Variants in NKAIN2 observed in about 807,000 individuals in gnomAD.
NKAIN2 encodes sodium/potassium transporting ATPase interacting 2.
Under a neutral mutation model 32.6 loss-of-function variants are expected in NKAIN2, and 14 were observed. The observed-to-expected ratio is 0.43, with a 90% CI of 0.28 to 0.67. NKAIN2 has a LOEUF of 0.67. Ranked by LOEUF, NKAIN2 falls within the 30% of genes least tolerant of loss-of-function variation. NKAIN2 has a pLI of 0.17. For missense variants in NKAIN2, 198 were observed against 258.3 expected, an observed-to-expected ratio of 0.77 and a Z score of 1.60; for synonymous variants, 80 against 87.2, an observed-to-expected ratio of 0.92 and a Z score of 0.46.
At chr6:124,569,696 T>C (rs1781054522) in intron 3 of NKAIN2, among the ~76,000 whole-genome samples, 1 of 152,200 alleles carries the variant, frequency 6.6e-6, no homozygotes, top group Non-Finnish European at 1.5e-5. Context: ...TCCCCAGCCA[T>C]GTAGAACTGT....
At chr6:124,504,186 CA>C (rs966029920) in intron 3 of NKAIN2, among the ~76,000 whole-genome samples, 2 of 152,092 alleles carry the variant, frequency 1.3e-5, no homozygotes, top group African/African-American at 2.4e-5. Flanking sequence ...CAGTCACTAC[CA>C]GTTTCTCCTA....
intron 1 of NKAIN2, among the ~76,000 whole-genome samples, chr6:123,913,888 C>G (rs1775348390): frequency 6.6e-6 from 1 of 151,948 alleles, no homozygotes; most frequent in Non-Finnish European, 1.5e-5. Flanking sequence ...TAATTCTTCC[C>G]ATCTTTTAAA....
At chr6:124,265,652 A>T (rs1005909572) in intron 1 of NKAIN2, among the ~76,000 whole-genome samples, 3 of 152,204 alleles carry the variant, frequency 2.0e-5, no homozygotes, top group Non-Finnish European at 4.4e-5. Context: ...TGCTTTACTG[A>T]CCAGGCTGCT....
intron 1 of NKAIN2, among the ~76,000 whole-genome samples, chr6:124,115,891 T>C (rs1435216093): frequency 3.9e-5 from 6 of 152,202 alleles, no homozygotes; most frequent in African/African-American, 9.6e-5. Flanking sequence ...CTCAACTTTT[T>C]GTTTTGAATA....
chr6:124,523,706 C>G (rs925081838), intron 3 of NKAIN2, among the ~76,000 whole-genome samples: 1 of 152,064 alleles, frequency 6.6e-6, no homozygotes, highest in Non-Finnish European at 1.5e-5. Flanking sequence ...CTTCATGAAG[C>G]CTGGCCAACT....
chr6:123,831,432 GTC>G (rs1774371593), intron 1 of NKAIN2, among the ~76,000 whole-genome samples: 1 of 144,944 alleles, frequency 6.9e-6, no homozygotes, highest in Non-Finnish European at 1.5e-5. Flanking sequence ...TTATCTAAGT[GTC>G]TATATACTTA....
At chr6:123,842,160 T>A (rs1234098852) in intron 1 of NKAIN2, among the ~76,000 whole-genome samples, 1 of 152,184 alleles carries the variant, frequency 6.6e-6, no homozygotes, top group African/African-American at 2.4e-5. Context: ...CTTGGAGACA[T>A]TATACACAAA....
At chr6:124,572,937 T>C (rs1583459140) in intron 3 of NKAIN2, among the ~76,000 whole-genome samples, 2 of 152,132 alleles carry the variant, frequency 1.3e-5, no homozygotes, top group East Asian at 3.9e-4. Context: ...CCTCCCCAGT[T>C]CAAGCAATTC....
intron 3 of NKAIN2, among the ~76,000 whole-genome samples, chr6:124,528,721 A>G (rs1236875287): frequency 6.6e-6 from 1 of 152,256 alleles, no homozygotes; most frequent in Non-Finnish European, 1.5e-5. Flanking sequence ...GTGAAACAAT[A>G]TATTTTAAAA....
At position 124,617,080 on chromosome 6, in the gene NKAIN2, A is replaced by G. The variant is rs1782934984; in HGVS notation, c.274-41106A>G. Among the ~76,000 whole-genome samples, 3 of 152,194 alleles carry G rather than the reference A, an allele frequency of 2.0e-5. No individual in the cohort carries two copies. The South Asian group carries it at 6.2e-4, about 31-fold the overall frequency. ...GACCAGCTTTATAAACTTAGGCAAG[A>G]TGTTTATCTGAATATTAGTTTTATT... On this transcript the variant is annotated intron_variant, in intron 3 of 6. Coordinates refer to ENST00000368417, the MANE Select transcript of NKAIN2 (RefSeq NM_001040214.3).
At chr6:124,350,957 C>G (rs1398843249) in intron 2 of NKAIN2, among the ~76,000 whole-genome samples, 3 of 151,908 alleles carry the variant, frequency 2.0e-5, no homozygotes, top group Admixed American at 6.6e-5. Context: ...CCACTGCACT[C>G]CAGCCTTGGC....
chr6:123,994,053 G>A (rs1779516754), intron 1 of NKAIN2, among the ~76,000 whole-genome samples: 1 of 152,138 alleles, frequency 6.6e-6, no homozygotes, highest in African/African-American at 2.4e-5. Context: ...CTTCCCCAGA[G>A]AGAACTCAGA....
chr6:124,141,898 A>G (rs924566778), intron 1 of NKAIN2, among the ~76,000 whole-genome samples: 30 of 152,142 alleles, frequency 2.0e-4, no homozygotes, highest in Non-Finnish European at 3.2e-4. Context: ...TGACATCTCA[A>G]AATTTTCAGC....
intron 3 of NKAIN2, among the ~76,000 whole-genome samples, chr6:124,357,938 A>G (rs1799067434): frequency 6.6e-6 from 1 of 152,078 alleles, no homozygotes; most frequent in Non-Finnish European, 1.5e-5. Context: ...CCCGCACGCC[A>G]CAACAGGCCC....
intron 4 of NKAIN2, among the ~76,000 whole-genome samples, chr6:124,748,211 G>T (rs1235513366): frequency 6.6e-6 from 1 of 151,938 alleles, no homozygotes; most frequent in Non-Finnish European, 1.5e-5. Flanking sequence ...TACCTGTAAA[G>T]CTTTATCTTG....
At chr6:124,801,268 C>T (rs538227764) in intron 5 of NKAIN2, among the ~76,000 whole-genome samples, 1 of 152,208 alleles carries the variant, frequency 6.6e-6, no homozygotes, top group Non-Finnish European at 1.5e-5. Flanking sequence ...TTCATTATGC[C>T]TTTGTGGATT....
At chr6:124,509,786 G>A (rs547998632) in intron 3 of NKAIN2, among the ~76,000 whole-genome samples, 1 of 152,224 alleles carries the variant, frequency 6.6e-6, no homozygotes, top group South Asian at 2.1e-4. Flanking sequence ...TATCTCATGC[G>A]ATTGAACACA....
intron 3 of NKAIN2, among the ~76,000 whole-genome samples, chr6:124,398,547 G>C (rs1454527799): frequency 6.6e-6 from 1 of 152,072 alleles, no homozygotes. Context: ...CATCTAATAT[G>C]TTTATAGTTC....
chr6:124,359,749 T>C (rs1022979484), intron 3 of NKAIN2, among the ~76,000 whole-genome samples: 2 of 152,180 alleles, frequency 1.3e-5, no homozygotes, highest in African/African-American at 2.4e-5. Context: ...CTTTTCCTAA[T>C]TGAATACCCT....
Sources: gnomAD v4.1 joint callset for allele counts (sites outside exome capture counted in the v4.1 genomes callset) on GRCh38, gnomAD v4.1.1 for gene constraint, MANE v1.5 for transcripts, NCBI Gene and HGNC (gene_info 2026-07-23, HGNC 2026-07-21) for gene names.